GRIN2B: variants seen among roughly 807,000 people sequenced by gnomAD.
The protein encoded by GRIN2B is glutamate ionotropic receptor NMDA type subunit 2B.
Under a neutral mutation model 114.5 loss-of-function variants are expected in GRIN2B, and 5 were observed. The observed-to-expected ratio is 0.04, with a 90% confidence interval of 0.02 to 0.09. The LOEUF (loss-of-function observed/expected upper bound fraction) is 0.09, where lower values mean the gene tolerates loss of function less well. Ranked by LOEUF, GRIN2B falls within the 10% of genes least tolerant of loss-of-function variation. The probability of loss-of-function intolerance (pLI) is 1.00; values close to 1 mark genes in which losing one functional copy is unlikely to be tolerated. For missense variants in GRIN2B, 1,108 were observed against 1,943.5 expected (o/e 0.57, Z 8.08); for synonymous variants, 787 against 745.1 (o/e 1.06, Z -0.92).
At chr12:13,786,267 A>G (rs1864219530) in intron 3 of GRIN2B, among the ~76,000 whole-genome samples, 1 of 152,148 alleles carries the variant, frequency 6.6e-6, no homozygotes, top group South Asian at 2.1e-4. Flanking sequence ...AACCAAATTA[A>G]AATAATTTGG....
chr12:13,611,175 T>G (rs1949361504), intron 9 of GRIN2B, among the ~76,000 whole-genome samples: 1 of 152,110 alleles, frequency 6.6e-6, no homozygotes, highest in Non-Finnish European at 1.5e-5. Flanking sequence ...TGAGAATTGG[T>G]CTTTCCCATT....
At chr12:13,708,669 A>G (rs1950385435) in intron 4 of GRIN2B, among the ~76,000 whole-genome samples, 2 of 152,072 alleles carry the variant, frequency 1.3e-5, no homozygotes, top group African/African-American at 4.8e-5. Context: ...TTTCTATAAA[A>G]TATCATTTTC....
intron 4 of GRIN2B, among the ~76,000 whole-genome samples, chr12:13,720,264 C>T (rs192061602): frequency 6.6e-6 from 1 of 152,160 alleles, no homozygotes; most frequent in Admixed American, 6.6e-5. Flanking sequence ...TTCAACCAAG[C>T]AGTCTTTTTC....
chr12:13,702,224 A>T (rs948279887), intron 4 of GRIN2B, among the ~76,000 whole-genome samples: 1 of 152,224 alleles, frequency 6.6e-6, no homozygotes, highest in African/African-American at 2.4e-5. Context: ...CAGAATTATA[A>T]TTGTGAAAAT....
intron 10 of GRIN2B, among the ~76,000 whole-genome samples, chr12:13,584,072 C>G (rs2136430848): frequency 6.6e-6 from 1 of 152,296 alleles, no homozygotes; most frequent in African/African-American, 2.4e-5. Flanking sequence ...CCTATACATT[C>G]AGAAGAACGA....
intron 1 of GRIN2B, among the ~76,000 whole-genome samples, 163 bp from the exon 2 acceptor site, chr12:13,980,519 G>A (rs570021867): frequency 2.0e-5 from 3 of 152,216 alleles, no homozygotes; most frequent in African/African-American, 7.2e-5. Flanking sequence ...AGCTGGTACC[G>A]GTCTATAAAT....
chr12:13,656,287 C>A (rs1949862628), intron 5 of GRIN2B, among the ~76,000 whole-genome samples: 1 of 152,108 alleles, frequency 6.6e-6, no homozygotes, highest in Admixed American at 6.6e-5. Flanking sequence ...GAGAAAGAGA[C>A]AAATGGTCAC....
At chr12:13,711,685 T>C (rs1475502211) in intron 4 of GRIN2B, among the ~76,000 whole-genome samples, 1 of 152,044 alleles carries the variant, frequency 6.6e-6, no homozygotes, top group African/African-American at 2.4e-5. Flanking sequence ...TGAGATACCA[T>C]CTCACACCAG....
intron 5 of GRIN2B, among the ~76,000 whole-genome samples, chr12:13,624,936 G>A (rs756350748): frequency 6.6e-6 from 1 of 152,146 alleles, no homozygotes; most frequent in African/African-American, 2.4e-5. Context: ...GGGAAAATGG[G>A]GGAGGTAGAG....
intron 2 of GRIN2B, among the ~76,000 whole-genome samples, chr12:13,958,350 A>G (rs1867629461): frequency 6.6e-6 from 1 of 152,224 alleles, no homozygotes. Context: ...ACGCCAGCAC[A>G]GTCCTGATGC....
rs369430611 is a variant in GRIN2B, at chr12:13,963,902, C to A, written c.-19+16026G>T. Among the ~76,000 whole-genome samples the A allele has an allele frequency of 3.0e-4, 45 of 152,276 alleles. No individual in the cohort carries two copies. In the South Asian group the frequency reaches 8.5e-3, roughly 29 times the overall value. ...CTTGGCACCCAGGACAAAATAGAGA[C>A]AAATCTCCCATGGTGGGAAAGGTAA... On this transcript the variant is annotated intron_variant, in intron 2 of 13. Coordinates refer to ENST00000609686, the MANE Select transcript of GRIN2B (RefSeq NM_000834.5).
chr12:13,771,877 T>C (rs1863915681), intron 3 of GRIN2B, among the ~76,000 whole-genome samples: 1 of 152,272 alleles, frequency 6.6e-6, no homozygotes, highest in Non-Finnish European at 1.5e-5. Flanking sequence ...CGAGTTTGAC[T>C]GGTCCTTCAA....
chr12:13,809,712 G>T (rs948512765), intron 3 of GRIN2B, among the ~76,000 whole-genome samples: 7 of 152,334 alleles, frequency 4.6e-5, no homozygotes, highest in Admixed American at 4.6e-4. Flanking sequence ...GCAGGAATAA[G>T]TTATAACTAG....
At chr12:13,574,025 A>C (rs188827302) in intron 10 of GRIN2B, among the ~76,000 whole-genome samples, 1 of 152,202 alleles carries the variant, frequency 6.6e-6, no homozygotes, top group Non-Finnish European at 1.5e-5. Flanking sequence ...GGATAAAGAC[A>C]CTACAAAAGA....
chr12:13,855,186 C>G (rs1865639245), intron 3 of GRIN2B, among the ~76,000 whole-genome samples: 1 of 152,062 alleles, frequency 6.6e-6, no homozygotes, highest in Non-Finnish European at 1.5e-5. Flanking sequence ...CCACTGCACT[C>G]CAGGCTGGGT....
chr12:13,901,401 A>G (rs763563490), intron 2 of GRIN2B, among the ~76,000 whole-genome samples: 117 of 152,166 alleles, frequency 7.7e-4, no homozygotes, highest in Non-Finnish European at 1.4e-3. Context: ...ATAAATGAAT[A>G]TAACTTAAAG....
Position 13,707,688 on chromosome 12 carries a change from C to T in GRIN2B, c.1011-31829G>A, listed in dbSNP as rs137992559. Among the ~76,000 whole-genome samples the T allele has an allele frequency of 2.9e-3, 437 of 152,000 alleles. 1 individual carries two copies. The highest frequency in any genetic ancestry group is 9.6e-3 in the African/African-American group (397 of 41,476). Reference sequence around the variant, plus strand: ...ATTTTCACTTAGCACCTATTCGGTACAGGGCTTGAGATAGGTGGAGAATGT... The same window carrying T: ...ATTTTCACTTAGCACCTATTCGGTATAGGGCTTGAGATAGGTGGAGAATGT... On this transcript the variant is annotated intron_variant, in intron 4 of 13. Coordinates refer to ENST00000609686, the MANE Select transcript of GRIN2B (RefSeq NM_000834.5).
chr12:13,743,999 G>A (rs1863329294), intron 4 of GRIN2B, among the ~76,000 whole-genome samples: 1 of 152,092 alleles, frequency 6.6e-6, no homozygotes, highest in Non-Finnish European at 1.5e-5. Flanking sequence ...TGCTTGTCAG[G>A]GGAGAACTTA....
At chr12:13,767,324 C>T (rs1044961174) in intron 3 of GRIN2B, among the ~76,000 whole-genome samples, 2 of 151,470 alleles carry the variant, frequency 1.3e-5, no homozygotes, top group South Asian at 2.1e-4. Context: ...ACTGACTAGT[C>T]CCTGTGCTCC....
Sources: gnomAD v4.1 joint callset for allele counts (sites outside exome capture counted in the v4.1 genomes callset) on GRCh38, gnomAD v4.1.1 for gene constraint, MANE v1.5 for transcripts, NCBI Gene and HGNC (gene_info 2026-07-23, HGNC 2026-07-21) for gene names.